TCOF1: variants seen among roughly 807,000 people sequenced by gnomAD.
TCOF1 encodes treacle ribosome biogenesis factor 1, also known as treacle protein.
A neutral mutation model predicts 149.0 loss-of-function variants in TCOF1; 33 were observed. The ratio of observed to expected loss-of-function variants is 0.22; its 90% CI spans 0.17 to 0.30. TCOF1 has a LOEUF of 0.30. Ranked by LOEUF, TCOF1 falls within the 10% of genes least tolerant of loss-of-function variation. The pLI, the probability that TCOF1 is intolerant of heterozygous loss-of-function variation, is 1.00. For missense variants in TCOF1, 1,728 were observed against 1,840.7 expected (o/e 0.94, Z 1.12); for synonymous variants, 789 against 738.8 (o/e 1.07, Z -1.10).
Position 150,378,712 on chromosome 5 carries a change from T to G in TCOF1, c.2341-193T>G, listed in dbSNP as rs564325337. On this transcript the variant is annotated intron_variant, in intron 14 of 26. Transcript: ENST00000643257. ...CTTCATCATAACCCGTAGGTGGGCC[T>G]TATTATTATCTCCATTTGATAGAGG... 6.3e-5 allele frequency: 44 copies of G among 701,272 alleles called. No homozygotes were observed. The East Asian group carries it at 1.1e-3, about 17-fold the overall frequency. The allele number at this position is 701,272 out of a possible 1,614,324, so 43.4% of individuals were successfully genotyped here.
intron 19 of TCOF1, among the ~76,000 whole-genome samples, chr5:150,390,388 C>G (rs906380019): frequency 2.6e-5 from 4 of 152,158 alleles, no homozygotes; most frequent in African/African-American, 9.7e-5. Context: ...TTCTTCCAAG[C>G]CTTTACCATC....
chr5:150,383,292 G>A, intron 17 of TCOF1: 1 of 788,350 alleles, frequency 1.3e-6, no homozygotes, highest in Non-Finnish European at 2.0e-6. Context: ...GCACCTCACA[G>A]CTTCCAGAGC....
intron 8 of TCOF1, 60 bp downstream of exon 8, chr5:150,374,446 G>A: frequency 6.5e-7 from 1 of 1,549,948 alleles, no homozygotes; most frequent in Non-Finnish European, 8.7e-7. Flanking sequence ...GCCTTCTCAG[G>A]ACTTGTTCTC....
chr5:150,394,036 C>T (rs761083784), intron 23 of TCOF1: 8 of 201,360 alleles, frequency 4.0e-5, no homozygotes, highest in African/African-American at 7.1e-5. Flanking sequence ...GTGGGCCCCA[C>T]GCCCAGGTGT....
At position 150,374,284 on chromosome 5, in the gene TCOF1, C is replaced by A. The variant is rs1264948678; in HGVS notation, c.981C>A (p.Ala327=). The part of the protein sequence containing the change: ...PAPPGKAGAV[A]SQTKAGKPEE... Reference sequence around the variant, plus strand: ...CCCCTGGGAAGGCAGGGGCTGTAGCCTCCCAGACCAAGGCAGGGAAGCCAG... The same window carrying A: ...CCCCTGGGAAGGCAGGGGCTGTAGCATCCCAGACCAAGGCAGGGAAGCCAG... The change falls in exon 8 of 27, where the codon GCC becomes GCA. Residue 327 remains alanine, a synonymous_variant. Transcript: ENST00000643257. 6.3e-7 allele frequency: 1 copy of A among 1,593,274 alleles called. No homozygotes were observed. Among genetic ancestry groups the A allele is most frequent in the African/African-American group, 1.4e-5 (1 of 73,596 alleles).
Position 150,372,132 on chromosome 5 carries a change from G to C in TCOF1, c.766G>C (p.Ala256Pro), listed in dbSNP as rs753898877. 1 of 1,614,056 alleles carries C rather than the reference G, an allele frequency of 6.2e-7. No individual in the cohort carries two copies. The highest frequency in any genetic ancestry group is 1.3e-5 in the African/African-American group (1 of 74,952). ...GDVTPQVKGG[A>P]LPPAKRAKKP... is the part of the protein sequence containing the mutation. The stretch of plus-strand genomic sequence containing the variant: ...TGTGACACCCCAGGTCAAAGGAGGG[G>C]CCCTGCCCCCAGCCAAGAGGGCCAA... Residue 256 changes from alanine to proline, a missense_variant, in exon 7 of 27, where the codon GCC becomes CCC. By Grantham distance (27) the Ala-to-Pro change is conservative (BLOSUM62 -1). This residue lies in a region of TCOF1 where 1,696 missense variants were observed against 1,765.4 expected (regional missense o/e 0.96). Transcript: ENST00000643257.
rs1767939646 is a variant in TCOF1, at chr5:150,393,983, C to G, written c.3784+431C>G. 5 of 261,998 alleles carry G rather than the reference C, an allele frequency of 1.9e-5. 1 individual carries two copies. In the South Asian group the frequency reaches 2.2e-4, roughly 11 times the overall value. The allele number at this position is 261,998 out of a possible 1,614,324, so 16.2% of individuals were successfully genotyped here. A position where few individuals can be genotyped will look rare whatever the true frequency, so the allele number is the denominator to read the frequency against. ...CCATGATCATGCCACTACACTCCAG[C>G]CAGGGTGGTACAGTGAGACCCTGTC... On this transcript the variant is annotated intron_variant, in intron 23 of 26. Transcript: ENST00000643257.
chr5:150,370,017 G>A (rs1449096362), intron 6 of TCOF1, among the ~76,000 whole-genome samples: 5 of 152,188 alleles, frequency 3.3e-5, no homozygotes, highest in African/African-American at 1.2e-4. Flanking sequence ...TGCTGAGAGG[G>A]TTCTGGGCCA....
intron 17 of TCOF1, chr5:150,380,113 G>A: frequency 7.7e-6 from 2 of 259,686 alleles, no homozygotes; most frequent in South Asian, 4.2e-5. Context: ...AAAAACCAGG[G>A]TTTAGGGCCA....
rs1354915786 is a variant in TCOF1, at chr5:150,395,257, C to G, written c.3785-1025C>G. Among the ~76,000 whole-genome samples the G allele has an allele frequency of 2.6e-5, 4 of 152,226 alleles. 1 individual carries two copies. Among genetic ancestry groups the G allele is most frequent in the Non-Finnish European group, 5.9e-5 (4 of 68,036 alleles). On this transcript the variant is annotated intron_variant, in intron 23 of 26. Transcript: ENST00000643257. ...CCACATAGAGTGTGACATGGAGTAT[C>G]CACCTGGGCCTTCCTCCAGGCAAAC...
chr5:150,391,555 G>T lies in TCOF1; in HGVS notation c.3195G>T (p.Lys1065Asn), dbSNP rs1767450050. The T allele has an allele frequency of 6.2e-7, 1 of 1,614,012 alleles. No individual in the cohort carries two copies. The highest frequency in any genetic ancestry group is 8.5e-7 in the Non-Finnish European group (1 of 1,180,028). ...QEGPATQVSK[K>N]NPASLPLTQA... ...CTTGCCACCCACAGGTGTCAAAGAA[G>T]AACCCAGCTTCCCTCCCACTGACCC... Residue 1065 changes from lysine to asparagine, a missense_variant, in exon 20 of 27, where the codon AAG (lysine) becomes AAT (asparagine). Coordinates refer to ENST00000643257, the MANE Select transcript of TCOF1 (RefSeq NM_001371623.1).
intron 6 of TCOF1, among the ~76,000 whole-genome samples, chr5:150,370,395 AC>A (rs1762262286): frequency 6.6e-6 from 1 of 152,154 alleles, no homozygotes; most frequent in African/African-American, 2.4e-5. Context: ...TCACTGTGTC[AC>A]CCAAGCTGGA....
At chr5:150,382,227 C>T (rs930321667) in intron 17 of TCOF1, among the ~76,000 whole-genome samples, 4 of 152,222 alleles carry the variant, frequency 2.6e-5, no homozygotes, top group African/African-American at 2.4e-5. Context: ...GACGTTCTAC[C>T]GCCTTAGCCA....
At position 150,393,356 on chromosome 5, in the gene TCOF1, C is replaced by A; in HGVS notation, c.3604-16C>A. ...GGTGGGGTGGTGGCAGCCTCTTTCA[C>A]AATGGGCTTCTTCAGTCTCTCCTCT... On this transcript the variant is annotated splice_polypyrimidine_tract_variant and intron_variant, in intron 22 of 26. Coordinates refer to ENST00000643257, the MANE Select transcript of TCOF1 (RefSeq NM_001371623.1). 1 of 1,613,934 alleles carries A rather than the reference C, an allele frequency of 6.2e-7. No individual in the cohort carries two copies. Among genetic ancestry groups the A allele is most frequent in the Non-Finnish European group, 8.5e-7 (1 of 1,179,932 alleles).
Position 150,379,002 on chromosome 5 carries a change from T to G in TCOF1, c.2438T>G (p.Val813Gly). The change falls in exon 15 of 27, where the codon GTC becomes GGC. Residue 813 changes from valine to glycine, a missense_variant. Physicochemically the swap from Val to Gly is moderately radical, Grantham distance 109 (BLOSUM62 -3). Around this residue, in one of 2 missense-constraint regions of TCOF1, gnomAD observed 1,696 missense variants for 1,765.4 expected, o/e 0.96. Coordinates refer to ENST00000643257, the MANE Select transcript of TCOF1 (RefSeq NM_001371623.1). The part of the protein sequence containing the change: ...KGTISAPGKV[V>G]TAAAQAKQRS... ...ACAATTTCAGCCCCTGGAAAAGTTG[T>G]CACTGCAGCTGCTCAAGCCAAGCAG... is the stretch of plus-strand genomic sequence containing the variant. 6.2e-7 allele frequency: 1 copy of G among 1,614,024 alleles called. No individual in the cohort carries two copies. The highest frequency in any genetic ancestry group is 8.5e-7 in the Non-Finnish European group (1 of 1,179,978).
chr5:150,379,337 G>T lies in TCOF1; in HGVS notation c.2587G>T (p.Gly863Trp), dbSNP rs1764507767. ...AVATAAQAQT[G>W]PEEDSGSSEE... The stretch of plus-strand genomic sequence containing the variant: ...GGCTACAGCAGCTCAGGCCCAGACA[G>T]GGCCAGAGGAGGACTCAGGGAGCAG... The change falls in exon 16 of 27, where the codon GGG (glycine) becomes TGG (tryptophan). Residue 863 changes from glycine to tryptophan, a missense_variant. By Grantham distance (184) the Gly-to-Trp change is radical (BLOSUM62 -2). Coordinates refer to ENST00000643257, the MANE Select transcript of TCOF1 (RefSeq NM_001371623.1). 1.2e-6 allele frequency: 2 copies of T among 1,614,116 alleles called. No individual in the cohort carries two copies. The highest frequency in any genetic ancestry group is 2.7e-5 in the African/African-American group (2 of 74,948).
rs765233871 is a variant in TCOF1, at chr5:150,374,228, G to C, written c.925G>C (p.Gly309Arg). 23 of 1,612,294 alleles carry C rather than the reference G, an allele frequency of 1.4e-5. No individual in the cohort carries two copies. Among genetic ancestry groups the C allele is most frequent in the Non-Finnish European group, 1.8e-5 (21 of 1,179,402 alleles). Reference sequence around the variant, plus strand: ...CAGAGCTGCCTCAGCCCCTGCCAAGGGGACCCCTGGGAAAGGGGCTACCCC... The same window carrying C: ...CAGAGCTGCCTCAGCCCCTGCCAAGCGGACCCCTGGGAAAGGGGCTACCCC... ...QVRAASAPAK[G>R]TPGKGATPAP... Residue 309 changes from glycine to arginine, a missense_variant, in exon 8 of 27, where the codon GGG becomes CGG. Gly to Arg is a moderately radical substitution (Grantham distance 125, BLOSUM62 -2). Transcript: ENST00000643257.
At chr5:150,386,489 C>G (rs1766330255) in intron 17 of TCOF1, among the ~76,000 whole-genome samples, 1 of 152,208 alleles carries the variant, frequency 6.6e-6, no homozygotes. Context: ...CCCAGAGAAG[C>G]TTCCACCCTC....
rs536778685 is a variant in TCOF1, at chr5:150,374,508, C to T, written c.1084-109C>T. The T allele has an allele frequency of 2.9e-5, 45 of 1,572,010 alleles. No individual in the cohort carries two copies. In the South Asian group the frequency reaches 4.3e-4, roughly 15 times the overall value. ...GCCTCAGACCCCAGCCCCTTACTCC[C>T]CTCTCACTGTGTGGCATCATTTGCC... On this transcript the variant is annotated intron_variant, in intron 8 of 26. Transcript: ENST00000643257.
Sources: gnomAD v4.1 joint callset for allele counts (sites outside exome capture counted in the v4.1 genomes callset) on GRCh38, gnomAD v4.1.1 for gene constraint, gnomAD v4.1.1 regional missense constraint, MANE v1.5 for transcripts, NCBI Gene and HGNC (gene_info 2026-07-23, HGNC 2026-07-21) for gene names.